Variants in ARID1A observed in about 807,000 individuals in gnomAD.
ARID1A encodes AT-rich interaction domain 1A, also known as AT-rich interactive domain-containing protein 1A.
A neutral mutation model predicts 212.6 loss-of-function variants in ARID1A; 20 were observed. The observed-to-expected ratio is 0.09, with a 90% CI of 0.07 to 0.14. The LOEUF (loss-of-function observed/expected upper bound fraction) is 0.14. Ranked by LOEUF, ARID1A falls within the 10% of genes least tolerant of loss-of-function variation. The probability of loss-of-function intolerance (pLI) is 1.00; values close to 1 mark genes in which losing one functional copy is unlikely to be tolerated. For synonymous variants in ARID1A, 1,376 were observed against 1,222.1 expected, an observed-to-expected ratio of 1.13 and a Z score of -2.63; for missense variants, 2,587 against 3,059.0, an observed-to-expected ratio of 0.85 and a Z score of 3.64.
chr1:26,732,607 T>C (rs1017405130), intron 3 of ARID1A, 69 bp from the exon 4 acceptor site: 5 of 1,276,850 alleles, frequency 3.9e-6, no homozygotes, highest in Admixed American at 3.4e-5. Context: ...CATAACCCTT[T>C]CACAGTGAAG....
intron 3 of ARID1A, 76 bp from the exon 4 acceptor site, chr1:26,732,600 A>G: frequency 1.7e-6 from 2 of 1,192,660 alleles, no homozygotes; most frequent in Non-Finnish European, 1.2e-6. Flanking sequence ...ACAGTCCCAT[A>G]ACCCTTTCAC....
chr1:26,768,502 A>G (rs2081057681), intron 11 of ARID1A, among the ~76,000 whole-genome samples: 1 of 152,248 alleles, frequency 6.6e-6, no homozygotes, highest in Non-Finnish European at 1.5e-5. Context: ...TTTCTGCCAC[A>G]TAAATCGGCC....
chr1:26,711,007 G>C (rs998678714), intron 1 of ARID1A, among the ~76,000 whole-genome samples: 1 of 152,108 alleles, frequency 6.6e-6, no homozygotes, highest in East Asian at 1.9e-4. Flanking sequence ...CTGGCAGATC[G>C]GGTTCTTGGT....
At chr1:26,743,966 G>T (rs2080813330) in intron 4 of ARID1A, among the ~76,000 whole-genome samples, 1 of 152,236 alleles carries the variant, frequency 6.6e-6, no homozygotes, top group East Asian at 1.9e-4. Context: ...CAGAGAAGCA[G>T]GGTCTTTCTG....
chr1:26,764,069 A>T (rs1444937798), intron 8 of ARID1A, among the ~76,000 whole-genome samples: 3 of 152,052 alleles, frequency 2.0e-5, no homozygotes, highest in Admixed American at 6.6e-5. Context: ...TTCCAGGTTC[A>T]ACCAATTGTC....
chr1:26,712,279 CAGTA>C (rs2080461901), intron 1 of ARID1A, among the ~76,000 whole-genome samples: 2 of 152,194 alleles, frequency 1.3e-5, no homozygotes, highest in Admixed American at 1.3e-4. Context: ...GGTGTTCTCA[CAGTA>C]AGCCTTTATT....
chr1:26,760,409 C>T (rs549942453), intron 4 of ARID1A, among the ~76,000 whole-genome samples: 9 of 152,260 alleles, frequency 5.9e-5, no homozygotes, highest in South Asian at 2.1e-4. Context: ...TGACTAGGGC[C>T]GGGCGCGGTG....
chr1:26,773,054 C>A (rs2124108813), intron 14 of ARID1A, 67 bp downstream of exon 14: 1 of 1,553,148 alleles, frequency 6.4e-7, no homozygotes, highest in Non-Finnish European at 8.7e-7. Context: ...GGGGGGAAAT[C>A]TTGAGAATGG....
chr1:26,754,897 T>C (rs2080915194), intron 4 of ARID1A, among the ~76,000 whole-genome samples: 1 of 152,156 alleles, frequency 6.6e-6, no homozygotes, highest in Admixed American at 6.5e-5. Flanking sequence ...GGTAGGAGGA[T>C]TGCTTGAGCT....
At chr1:26,706,763 CTT>C (rs2080396037) in intron 1 of ARID1A, among the ~76,000 whole-genome samples, 2 of 152,146 alleles carry the variant, frequency 1.3e-5, no homozygotes, top group African/African-American at 2.4e-5. Context: ...TACTGTGTCT[CTT>C]TGGCAAATAT....
intron 13 of ARID1A, 63 bp from the exon 14 acceptor site, chr1:26,772,749 G>A (rs2124105980): frequency 6.2e-7 from 1 of 1,606,452 alleles, no homozygotes; most frequent in Non-Finnish European, 8.5e-7. Flanking sequence ...ACTCCTGCGT[G>A]TCCTTTGTTA....
rs140159083 is a variant in ARID1A at position 26,752,335 on chromosome 1, T to A, written c.1921-8521T>A. The stretch of plus-strand genomic sequence containing the variant: ...ATTGAGACCACTCCGTGGAATAATG[T>A]CACAGCAGTTCTGTAACTTTTGGAG... On this transcript the variant is annotated intron_variant, in intron 4 of 19. Coordinates refer to ENST00000324856, the MANE Select transcript of ARID1A (RefSeq NM_006015.6). Among the ~76,000 whole-genome samples the A allele has an allele frequency of 1.1e-4, 17 of 152,356 alleles. No homozygotes were observed. The East Asian group carries it at 3.3e-3, about 29-fold the overall frequency.
At chr1:26,738,026 ACT>A (rs1369208945) in intron 4 of ARID1A, among the ~76,000 whole-genome samples, 9 of 146,914 alleles carry the variant, frequency 6.1e-5, no homozygotes, top group African/African-American at 1.8e-4. Flanking sequence ...GCTATAGTAA[ACT>A]CTTTTTTTTT....
chr1:26,696,442 G>C lies in ARID1A; in HGVS notation c.39G>C (p.Leu13=), dbSNP rs918883324. 4 of 1,293,228 alleles carry C rather than the reference G, an allele frequency of 3.1e-6. No individual in the cohort carries two copies. The highest frequency in any genetic ancestry group is 3.1e-5 in the African/African-American group (2 of 64,336). The allele number at this position is 1,293,228 out of a possible 1,614,324, so 80.1% of individuals were successfully genotyped here. ...AQVAPAAASS[L]GNPPPPPPSE... ...TCGCCCCCGCCGCCGCCAGCAGCCT[G>C]GGCAACCCGCCGCCGCCGCCGCCCT... Residue 13 remains leucine (L), a synonymous_variant, in exon 1 of 20, where the codon CTG becomes CTC. Coordinates refer to ENST00000324856, the MANE Select transcript of ARID1A (RefSeq NM_006015.6).
At position 26,773,561 on chromosome 1, in the gene ARID1A, CCT is replaced by C. The variant is rs2081103968; in HGVS notation, c.3867-15_3867-14del. On this transcript the variant is annotated splice_polypyrimidine_tract_variant and intron_variant, in intron 15 of 19. Coordinates refer to ENST00000324856, the MANE Select transcript of ARID1A (RefSeq NM_006015.6). ...CTGAAGCTATAGTGGGCTCAATCTG[CCT>C]CTCCAATTTTGTTTAGGACGGAGCC... is the stretch of plus-strand genomic sequence containing the variant. 1 of 1,614,216 alleles carries C rather than the reference CCT, an allele frequency of 6.2e-7. No individual in the cohort carries two copies. Among genetic ancestry groups the C allele is most frequent in the African/African-American group, 1.3e-5 (1 of 75,050 alleles).
chr1:26,756,548 C>T (rs966373803), intron 4 of ARID1A, among the ~76,000 whole-genome samples: 6 of 147,242 alleles, frequency 4.1e-5, no homozygotes, highest in Admixed American at 2.8e-4. Flanking sequence ...AGACCCAGAC[C>T]GAGACCCTGT....
intron 1 of ARID1A, among the ~76,000 whole-genome samples, chr1:26,719,124 A>G (rs566877377): frequency 6.6e-6 from 1 of 152,136 alleles, no homozygotes; most frequent in Non-Finnish European, 1.5e-5. Flanking sequence ...TCTCTTCTAC[A>G]TTCCCCTTTC....
At chr1:26,714,097 T>C (rs2080478888) in intron 1 of ARID1A, among the ~76,000 whole-genome samples, 1 of 152,230 alleles carries the variant, frequency 6.6e-6, no homozygotes, top group African/African-American at 2.4e-5. Flanking sequence ...TAGTTTAGAA[T>C]GCCAAGTGTC....
At chr1:26,738,055 A>G (rs886224239) in intron 4 of ARID1A, among the ~76,000 whole-genome samples, 30 of 149,444 alleles carry the variant, frequency 2.0e-4, no homozygotes, top group African/African-American at 7.4e-4. Flanking sequence ...ATGGAGTCTC[A>G]CTCTGTCACC....
Sources: allele counts gnomAD v4.1 joint callset (sites outside exome capture counted in the v4.1 genomes callset), GRCh38; gene constraint gnomAD v4.1.1; transcripts MANE v1.5; gene names NCBI Gene and HGNC (gene_info 2026-07-23, HGNC 2026-07-21).